Variants in C9orf85 observed in about 807,000 individuals in gnomAD.
The protein encoded by C9orf85 is uncharacterized protein C9orf85.
Under a neutral mutation model 14.9 loss-of-function variants are expected in C9orf85, and 16 were observed. That is an observed-to-expected ratio of 1.08 (90% CI 0.73 to 1.63). The LOEUF (loss-of-function observed/expected upper bound fraction) is 1.63. Among genes scored for constraint, C9orf85 ranks in the 40% most tolerant of loss-of-function variants. The pLI is 0.00. For synonymous variants in C9orf85, 45 were observed against 56.8 expected (o/e 0.79, Z 0.93); for missense variants, 172 against 186.1 (o/e 0.92, Z 0.44).
At chr9:71,972,346 G>A (rs1343398450) in intron 3 of C9orf85, among the ~76,000 whole-genome samples, 5 of 151,758 alleles carry the variant, frequency 3.3e-5, no homozygotes, top group African/African-American at 4.8e-5. Flanking sequence ...TGCAACCTCC[G>A]CCTCCCAAGT....
At chr9:71,977,231 G>T (rs2132373508), downstream of C9orf85, among the ~76,000 whole-genome samples, 1 of 144,812 alleles carries the variant, frequency 6.9e-6, no homozygotes, top group South Asian at 2.2e-4. Context: ...AAAAAAAAAA[G>T]TTAATTACAC....
chr9:71,958,262 A>G lies in C9orf85; in HGVS notation c.209+11150A>G, dbSNP rs978298651. 6.2e-5 allele frequency among the ~76,000 whole-genome samples: 3 copies of G among 48,272 alleles called. No homozygotes were observed. In the Admixed American group the frequency reaches 1.2e-3, roughly 20 times the overall value. 31.7% of individuals were successfully genotyped at this position (48,272 alleles called of 152,430 possible). On this transcript the variant is annotated intron_variant, in intron 2 of 3. Coordinates refer to ENST00000334731, the MANE Select transcript of C9orf85 (RefSeq NM_182505.5). ...ATATATTTTTTATATTTTTATATAT[A>G]TAAATTTTTTTTTTTTTGAGACGGA...
At chr9:71,967,290 A>G (rs1822720788) in intron 2 of C9orf85, among the ~76,000 whole-genome samples, 1 of 152,166 alleles carries the variant, frequency 6.6e-6, no homozygotes, top group Non-Finnish European at 1.5e-5. Context: ...TCTTTTCTCT[A>G]TTCAGTTTCC....
intron 1 of C9orf85, among the ~76,000 whole-genome samples, chr9:71,930,795 C>T (rs1481411088): frequency 7.1e-6 from 1 of 140,850 alleles, no homozygotes; most frequent in Non-Finnish European, 1.5e-5. Context: ...CAGAGCAAGA[C>T]CCTGTCTCAA....
chr9:71,940,987 G>A (rs190302417), intron 1 of C9orf85, among the ~76,000 whole-genome samples: 12 of 152,250 alleles, frequency 7.9e-5, no homozygotes, highest in Admixed American at 5.2e-4. Flanking sequence ...TACCTGGGAG[G>A]TAGTAGAAAG....
At chr9:71,914,958 G>A (rs1827608409) in intron 1 of C9orf85, among the ~76,000 whole-genome samples, 1 of 152,136 alleles carries the variant, frequency 6.6e-6, no homozygotes, top group South Asian at 2.1e-4. Context: ...AGCAGATCAA[G>A]GCAGCCTTCT....
chr9:71,944,221 GAGA>G (rs1822023925), intron 1 of C9orf85, among the ~76,000 whole-genome samples: 1 of 112,754 alleles, frequency 8.9e-6, no homozygotes, highest in African/African-American at 3.1e-5. Context: ...GCAACAGAGT[GAGA>G]CTCTGTCTCA....
intron 1 of C9orf85, among the ~76,000 whole-genome samples, chr9:71,926,634 G>GAA (rs58407244): frequency 1.7e-5 from 2 of 115,844 alleles, no homozygotes; most frequent in African/African-American, 3.1e-5. Flanking sequence ...CACTGCTGTT[G>GAA]AAAAAAAAAA....
At chr9:71,970,494 A>G (rs11143041) in intron 2 of C9orf85, among the ~76,000 whole-genome samples, 1,951 of 152,270 alleles carry the variant, frequency 0.013, 11 homozygotes, top group Non-Finnish European at 0.018. Flanking sequence ...TACATATTCT[A>G]TAAATCCATA....
chr9:71,941,416 A>G (rs1821927549), intron 1 of C9orf85, among the ~76,000 whole-genome samples: 1 of 152,220 alleles, frequency 6.6e-6, no homozygotes, highest in Admixed American at 6.5e-5. Flanking sequence ...TTGGAGTAAT[A>G]GGAAGTACAC....
chr9:71,961,188 C>A (rs1292240396), intron 2 of C9orf85, among the ~76,000 whole-genome samples: 1 of 152,036 alleles, frequency 6.6e-6, no homozygotes, highest in Non-Finnish European at 1.5e-5. Context: ...CTGGGATTTA[C>A]AGGTGTAAGC....
chr9:71,918,774 C>T (rs573166264), intron 1 of C9orf85, among the ~76,000 whole-genome samples: 2 of 152,168 alleles, frequency 1.3e-5, no homozygotes, highest in East Asian at 1.9e-4. Flanking sequence ...CAGATGGGAC[C>T]GTCTAGTTGC....
chr9:71,946,890 A>T, intron 1 of C9orf85, 116 bp from the exon 2 acceptor site: 4 of 581,970 alleles, frequency 6.9e-6, no homozygotes, highest in South Asian at 2.6e-5. Flanking sequence ...ATAAATTGTT[A>T]TGCAGATTAA....
chr9:71,982,332 T>C (rs1254692307), intron 3 of C9orf85, among the ~76,000 whole-genome samples: 1 of 152,200 alleles, frequency 6.6e-6, no homozygotes, highest in East Asian at 1.9e-4. Context: ...TTATGAATGA[T>C]ACTGTTGTGA....
chr9:71,942,749 A>G (rs1481905253), intron 1 of C9orf85, among the ~76,000 whole-genome samples: 1 of 152,166 alleles, frequency 6.6e-6, no homozygotes, highest in African/African-American at 2.4e-5. Flanking sequence ...CTAAAAATAC[A>G]AAAATTAGTT....
chr9:71,962,850 G>T (rs1270181379), intron 2 of C9orf85, among the ~76,000 whole-genome samples: 5 of 152,168 alleles, frequency 3.3e-5, no homozygotes, highest in Non-Finnish European at 7.3e-5. Flanking sequence ...GAGGTCAGGA[G>T]TTCGAGACCA....
chr9:71,912,816 G>T (rs535763385), intron 1 of C9orf85, among the ~76,000 whole-genome samples: 2 of 152,162 alleles, frequency 1.3e-5, no homozygotes, highest in South Asian at 4.2e-4. Flanking sequence ...CCCTGGAGGC[G>T]GTGGTTGCAG....
At chr9:71,916,975 T>G (rs563545763) in intron 1 of C9orf85, among the ~76,000 whole-genome samples, 1 of 152,194 alleles carries the variant, frequency 6.6e-6, no homozygotes, top group Non-Finnish European at 1.5e-5. Flanking sequence ...CTAAGATAGA[T>G]GCAAAATGAT....
At chr9:71,956,171 T>C (rs1246706640) in intron 2 of C9orf85, among the ~76,000 whole-genome samples, 1 of 151,476 alleles carries the variant, frequency 6.6e-6, no homozygotes, top group Non-Finnish European at 1.5e-5. Context: ...TAGAATCTTC[T>C]AATAAAACAA....
Sources: allele counts gnomAD v4.1 joint callset (sites outside exome capture counted in the v4.1 genomes callset), GRCh38; gene constraint gnomAD v4.1.1; transcripts MANE v1.5; gene names NCBI Gene and HGNC (gene_info 2026-07-23, HGNC 2026-07-21).